AIG1: variants seen among roughly 807,000 people sequenced by gnomAD.
AIG1 encodes androgen-induced gene 1 protein.
AIG1 carries 23 observed loss-of-function variants against 31.4 expected under a neutral mutation model. The observed-to-expected ratio is 0.73, with a 90% CI of 0.53 to 1.04. The LOEUF is 1.04. Among genes scored for constraint, AIG1 ranks in the 50% least tolerant of loss-of-function variants. The probability of loss-of-function intolerance (pLI) is 0.00; values close to 1 mark genes in which losing one functional copy is unlikely to be tolerated. For synonymous variants in AIG1, 100 were observed against 110.5 expected, an observed-to-expected ratio of 0.90 and a Z score of 0.60; for missense variants, 274 against 295.0, an observed-to-expected ratio of 0.93 and a Z score of 0.52.
In AIG1 at chr6:143,291,318, A is replaced by C. The variant is rs780351725; in HGVS notation, c.515+7093A>C. Reference sequence around the variant, plus strand: ...CCCAAGAAAGAATGGCTCCTGGGCAAGAGTTTTCCAGCAGCAGGAAACCAT... The same window carrying C: ...CCCAAGAAAGAATGGCTCCTGGGCACGAGTTTTCCAGCAGCAGGAAACCAT... On this transcript the variant is annotated intron_variant, in intron 4 of 5. Transcript: ENST00000357847. This position sits in a 1 kb window ranked among gnomAD's most constrained non-coding sequence, Gnocchi z 4.2. 6.6e-6 allele frequency among the ~76,000 whole-genome samples: 1 copy of C among 152,158 alleles called. No individual in the cohort carries two copies. Among genetic ancestry groups the C allele is most frequent in the Non-Finnish European group, 1.5e-5 (1 of 68,008 alleles).
At chr6:143,285,070 T>C (rs1459005791) in intron 4 of AIG1, among the ~76,000 whole-genome samples, 1 of 152,050 alleles carries the variant, frequency 6.6e-6, no homozygotes, top group Non-Finnish European at 1.5e-5. Flanking sequence ...CTGGATAGTG[T>C]TCTTCCAAAA....
chr6:143,231,493 A>G (rs1793439297), intron 3 of AIG1, among the ~76,000 whole-genome samples: 1 of 152,208 alleles, frequency 6.6e-6, no homozygotes, highest in African/African-American at 2.4e-5. Flanking sequence ...TATCTCGTGA[A>G]CAGAGTGAAA....
intron 3 of AIG1, among the ~76,000 whole-genome samples, chr6:143,179,334 T>C (rs1788503679): frequency 1.3e-5 from 2 of 152,212 alleles, no homozygotes; most frequent in Admixed American, 1.3e-4. Context: ...CAAGAAAGAA[T>C]GCACACTTTT....
intron 1 of AIG1, among the ~76,000 whole-genome samples, chr6:143,081,157 C>G (rs1023627133): frequency 1.1e-4 from 16 of 152,166 alleles, no homozygotes; most frequent in Admixed American, 8.5e-4. Flanking sequence ...GGCAACAGAG[C>G]AGGCCATGCA....
intron 1 of AIG1, among the ~76,000 whole-genome samples, chr6:143,063,923 C>T (rs761182017): frequency 8.5e-5 from 13 of 152,100 alleles, no homozygotes; most frequent in Non-Finnish European, 1.3e-4. Flanking sequence ...AGATTCAGAG[C>T]TTATGGTCAA....
intron 3 of AIG1, among the ~76,000 whole-genome samples, chr6:143,281,063 A>G (rs1323222758): frequency 1.3e-5 from 2 of 152,238 alleles, no homozygotes; most frequent in East Asian, 1.9e-4. Flanking sequence ...GTGATCTGCA[A>G]TTATGCACTT....
chr6:143,251,733 A>T (rs1795026781), intron 3 of AIG1, among the ~76,000 whole-genome samples: 1 of 152,090 alleles, frequency 6.6e-6, no homozygotes, highest in Admixed American at 6.5e-5. Context: ...TTTTCTGGCC[A>T]TTTTGGAGTC....
rs779062118 is a variant in AIG1, at chr6:143,180,738, A to G, written c.399+15555A>G. 4.2e-4 allele frequency among the ~76,000 whole-genome samples: 64 copies of G among 152,342 alleles called. 1 individual carries two copies. Among genetic ancestry groups the G allele is most frequent in the Non-Finnish European group, 8.8e-4 (60 of 68,024 alleles). On this transcript the variant is annotated intron_variant, in intron 3 of 5. Coordinates refer to ENST00000357847, the MANE Select transcript of AIG1 (RefSeq NM_016108.4). The stretch of plus-strand genomic sequence containing the variant: ...CAGACAAGATCTTGGTATTCTTATA[A>G]TCACAGCAGGAGTTGTTCATTTCCC...
rs1398966637 is a variant in AIG1 at position 143,297,461 on chromosome 6, G to A, written c.515+13236G>A. ...GGGTGGGTGGTTATTTAGATGATTGGTTGGTTGGTTGGTTGGTTGGATGGT... is the reference window on the plus strand; with the variant it reads ...GGGTGGGTGGTTATTTAGATGATTGATTGGTTGGTTGGTTGGTTGGATGGT... On this transcript the variant is annotated intron_variant, in intron 4 of 5. Transcript: ENST00000357847. This position sits in a 1 kb window ranked among gnomAD's most constrained non-coding sequence, Gnocchi z 5.1. Among the ~76,000 whole-genome samples, 3 of 151,968 alleles carry A rather than the reference G, an allele frequency of 2.0e-5. No homozygotes were observed. Among genetic ancestry groups the A allele is most frequent in the African/African-American group, 7.3e-5 (3 of 41,364 alleles).
Position 143,191,118 on chromosome 6 carries a change from A to G in AIG1, c.399+25935A>G, listed in dbSNP as rs758354157. 5.9e-5 allele frequency among the ~76,000 whole-genome samples: 9 copies of G among 152,310 alleles called. No individual in the cohort carries two copies. The Middle Eastern group carries it at 0.01, about 173-fold the overall frequency. On this transcript the variant is annotated intron_variant, in intron 3 of 5. Transcript: ENST00000357847. ...AAGTGAGGGAAGCTGTCCTGGTGAT[A>G]TCTAGATGTGAGCTGAATGGAGCTT...
chr6:143,141,648 T>A (rs904898773), intron 2 of AIG1, among the ~76,000 whole-genome samples: 2 of 152,208 alleles, frequency 1.3e-5, no homozygotes, highest in African/African-American at 4.8e-5. Context: ...GCCTTGCAAC[T>A]AATTTTGCAG....
At chr6:143,232,931 C>A (rs1793550034) in intron 3 of AIG1, among the ~76,000 whole-genome samples, 1 of 152,226 alleles carries the variant, frequency 6.6e-6, no homozygotes, top group Non-Finnish European at 1.5e-5. Context: ...CAGAGTCACA[C>A]TGGCCATGCC....
At position 143,327,887 on chromosome 6, in the gene AIG1, A is replaced by C. The variant is rs1391320666; in HGVS notation, c.516-5395A>C. On this transcript the variant is annotated intron_variant, in intron 4 of 5. Coordinates refer to ENST00000357847, the MANE Select transcript of AIG1 (RefSeq NM_016108.4). The surrounding 1 kb of genome is among the most constrained non-coding windows in gnomAD (Gnocchi z 5.3). ...ATATATTGAGTTTGAGGTATCTTTA[A>C]GATGGGCAAAATGAGATGTCTTAAG... 2.6e-5 allele frequency among the ~76,000 whole-genome samples: 4 copies of C among 152,190 alleles called. No homozygotes were observed. The highest frequency in any genetic ancestry group is 1.5e-5 in the Non-Finnish European group (1 of 68,040).
intron 1 of AIG1, among the ~76,000 whole-genome samples, chr6:143,130,535 G>A (rs924175652): frequency 1.4e-4 from 21 of 151,692 alleles, no homozygotes; most frequent in African/African-American, 4.1e-4. Context: ...TCTGGTCAAC[G>A]TGGTGAGACC....
chr6:143,127,061 A>G (rs1019650341), intron 1 of AIG1, among the ~76,000 whole-genome samples: 1 of 152,218 alleles, frequency 6.6e-6, no homozygotes, highest in African/African-American at 2.4e-5. Flanking sequence ...GAGAGATTTT[A>G]TATGTAGATA....
downstream of AIG1, chr6:143,343,358 C>G (rs900232171): frequency 5.2e-6 from 3 of 582,186 alleles, no homozygotes; most frequent in African/African-American, 1.9e-5. Context: ...CTAATGCCCC[C>G]CCAAACAAGA....
rs910703530 is a variant in AIG1 at position 143,297,884 on chromosome 6, C to T, written c.515+13659C>T. Among the ~76,000 whole-genome samples, 4 of 151,800 alleles carry T rather than the reference C, an allele frequency of 2.6e-5. No individual in the cohort carries two copies. Among genetic ancestry groups the T allele is most frequent in the Non-Finnish European group, 5.9e-5 (4 of 67,986 alleles). On this transcript the variant is annotated intron_variant, in intron 4 of 5. Transcript: ENST00000357847. This position sits in a 1 kb window ranked among gnomAD's most constrained non-coding sequence, Gnocchi z 5.1. Reference sequence around the variant, plus strand: ...ACTTTTATTCTTCCTTGCACAATGACGTATCCTTGGGCTGTGATATTCTCA... The same window carrying T: ...ACTTTTATTCTTCCTTGCACAATGATGTATCCTTGGGCTGTGATATTCTCA...
chr6:143,149,083 C>T (rs1784949148), intron 2 of AIG1, among the ~76,000 whole-genome samples: 2 of 152,112 alleles, frequency 1.3e-5, no homozygotes, highest in African/African-American at 4.8e-5. Context: ...CAGAACCTGT[C>T]TCTGTTGTTG....
intron 4 of AIG1, among the ~76,000 whole-genome samples, chr6:143,296,146 G>A (rs1479666656): frequency 6.6e-6 from 1 of 151,938 alleles, no homozygotes; most frequent in Non-Finnish European, 1.5e-5. Flanking sequence ...AAGGGTTTAC[G>A]ACACCCCTGC....
Sources: gnomAD v4.1 joint callset for allele counts (sites outside exome capture counted in the v4.1 genomes callset) on GRCh38, gnomAD v4.1.1 for gene constraint, Gnocchi (gnomAD v3.1) non-coding constraint, MANE v1.5 for transcripts, NCBI Gene and HGNC (gene_info 2026-07-23, HGNC 2026-07-21) for gene names.